Variants in MAGEA4 observed in about 807,000 individuals in gnomAD.
MAGEA4 encodes the protein melanoma-associated antigen 4.
MAGEA4 carries 1 observed loss-of-function variant against 13.7 expected under a neutral mutation model. That is an observed-to-expected ratio of 0.07 (90% CI 0.03 to 0.35). MAGEA4 has a LOEUF of 0.35. Among genes scored for constraint, MAGEA4 ranks in the 10% least tolerant of loss-of-function variants. The pLI is 0.99. For missense variants in MAGEA4, 312 were observed against 245.1 expected, an observed-to-expected ratio of 1.27 and a Z score of -1.82; for synonymous variants, 132 against 101.1, an observed-to-expected ratio of 1.31 and a Z score of -1.83.
rs773242799 is a variant in MAGEA4, at chrX:151,923,586, C to T, written c.-65-14C>T. ...TCTCAGCTGAGGTCTCTCACATGCT[C>T]CCTCTCTCCGTAGGCCTGTGGGTCC... On this transcript the variant is annotated splice_polypyrimidine_tract_variant and intron_variant, in intron 2 of 2. Coordinates refer to ENST00000276344, the MANE Select transcript of MAGEA4 (RefSeq NM_001011548.1). 7 of 1,210,576 alleles carry T rather than the reference C, an allele frequency of 5.8e-6. No individual in the cohort carries two copies. Among genetic ancestry groups the T allele is most frequent in the Non-Finnish European group, 6.7e-6 (6 of 895,180 alleles).
In MAGEA4 at chrX:151,923,572, G is replaced by A. The variant is rs1393578094; in HGVS notation, c.-65-28G>A. ...CTCTAAGATTTGGTTCTCAGCTGAG[G>A]TCTCTCACATGCTCCCTCTCTCCGT... On this transcript the variant is annotated intron_variant, in intron 2 of 2. Coordinates refer to ENST00000276344, the MANE Select transcript of MAGEA4 (RefSeq NM_001011548.1). 1.2e-5 allele frequency: 15 copies of A among 1,208,296 alleles called. No individual in the cohort carries two copies. In the Middle Eastern group the frequency reaches 6.9e-4, roughly 55 times the overall value.
In MAGEA4 at chrX:151,924,739, GAA is replaced by G; in HGVS notation, c.*124_*125del. 3 of 748,748 alleles carry G rather than the reference GAA, an allele frequency of 4.0e-6. No individual in the cohort carries two copies. Among genetic ancestry groups the G allele is most frequent in the Non-Finnish European group, 5.6e-6 (3 of 533,574 alleles). 61.7% of individuals were successfully genotyped at this position (748,748 alleles called of 1,213,427 possible). ...AGGCCCATTCTTCACTCTGTTTGAA[GAA>G]AATAGTCAGTGTTCTTAGTAGTGGG... is the stretch of plus-strand genomic sequence containing the variant. On this transcript the variant is annotated 3_prime_UTR_variant, in exon 3 of 3. Transcript: ENST00000276344.
At chrX:151,919,640 G>T (rs897487583) in intron 1 of MAGEA4, 2 of 750,327 alleles carry the variant, frequency 2.7e-6, no homozygotes, top group Admixed American at 8.9e-5. Context: ...CGCATTGGGG[G>T]TTAGAGAAAA....
chrX:151,923,571 G>C (rs756521337), intron 2 of MAGEA4, 29 bp from the exon 3 acceptor site: 115 of 1,208,253 alleles, frequency 9.5e-5, no homozygotes, highest in Non-Finnish European at 1.3e-4. Context: ...TCTCAGCTGA[G>C]GTCTCTCACA....
rs751997214 is a variant in MAGEA4 at position 151,925,026 on chromosome X, G to A, written c.*408G>A. ...GAAGTGTGAATTCACCGTGAAATAG[G>A]TGAGATAAATTAAAAGATACTTAAT... is the stretch of plus-strand genomic sequence containing the variant. On this transcript the variant is annotated 3_prime_UTR_variant, in exon 3 of 3. Transcript: ENST00000276344. 23 of 132,290 alleles carry A rather than the reference G, an allele frequency of 1.7e-4. No individual in the cohort carries two copies. The highest frequency in any genetic ancestry group is 3.7e-4 in the Non-Finnish European group (22 of 59,695). 10.9% of individuals were successfully genotyped at this position (132,290 alleles called of 1,213,427 possible). A position where few individuals can be genotyped will look rare whatever the true frequency, so the allele number is the denominator to read the frequency against.
rs774118615 is a variant in MAGEA4, at chrX:151,918,953, C to G, written c.-137-4500C>G. On this transcript the variant is annotated intron_variant, in intron 1 of 2. Coordinates refer to ENST00000276344, the MANE Select transcript of MAGEA4 (RefSeq NM_001011548.1). ...ATGTGATGCCACTGACTTGCGCATT[C>G]GGGGTTAGAGAGAAGCGAGCTGCTC... 3.1e-4 allele frequency: 233 copies of G among 746,953 alleles called. 1 individual carries two copies. The highest frequency in any genetic ancestry group is 1.5e-3 in the Middle Eastern group (2 of 1,316). 61.6% of individuals were successfully genotyped at this position (746,953 alleles called of 1,213,427 possible).
At position 151,912,899 on chromosome X, in the gene MAGEA4, G is replaced by C. The variant is rs1417896640; in HGVS notation, c.-208G>C. On this transcript the variant is annotated 5_prime_UTR_variant, in exon 1 of 3. Transcript: ENST00000276344. ...TGCGCACTGGGGGTTAGAGACAAGC[G>C]AGCTTCTGCGTCTGACTCGCAGCTT... is the stretch of plus-strand genomic sequence containing the variant. The C allele has an allele frequency of 8.5e-6, 1 of 117,862 alleles. No individual in the cohort carries two copies. The highest frequency in any genetic ancestry group is 3.5e-5 in the African/African-American group (1 of 28,268). The allele number at this position is 117,862 out of a possible 1,213,427, so 9.7% of individuals were successfully genotyped here. A position where few individuals can be genotyped will look rare whatever the true frequency, so the allele number is the denominator to read the frequency against.
intron 1 of MAGEA4, 104 bp from the exon 2 acceptor site, chrX:151,923,349 T>A (rs763004622): frequency 2.5e-4 from 140 of 549,428 alleles, no homozygotes; most frequent in Non-Finnish European, 3.4e-4. Flanking sequence ...ACAAGACACA[T>A]AGGACTCCAA....
intron 1 of MAGEA4, among the ~76,000 whole-genome samples, chrX:151,923,203 C>A: frequency 8.9e-6 from 1 of 111,869 alleles, no homozygotes; most frequent in Non-Finnish European, 1.9e-5. Flanking sequence ...CCATGGATTC[C>A]TCTCCTAGGA....
chrX:151,921,055 C>T (rs1379846053), intron 1 of MAGEA4, among the ~76,000 whole-genome samples: 1 of 111,992 alleles, frequency 8.9e-6, no homozygotes, highest in African/African-American at 3.2e-5. Context: ...AGGGCATGGC[C>T]CAGGCCCTGC....
At chrX:151,919,557 C>T (rs1216661867) in intron 1 of MAGEA4, 6 of 598,313 alleles carry the variant, frequency 1.0e-5, no homozygotes, top group Admixed American at 9.9e-5. Flanking sequence ...CCCCCATCCA[C>T]GCTGAATCGG....
chrX:151,917,907 C>G lies in MAGEA4; in HGVS notation c.-138+4938C>G, dbSNP rs1444954564. Among the ~76,000 whole-genome samples, 37 of 95,907 alleles carry G rather than the reference C, an allele frequency of 3.9e-4. No individual in the cohort carries two copies. The East Asian group carries it at 0.01, about 26-fold the overall frequency. 83.3% of individuals were successfully genotyped at this position (95,907 alleles called of 115,157 possible). A position where few individuals can be genotyped will look rare whatever the true frequency, so the allele number is the denominator to read the frequency against. On this transcript the variant is annotated intron_variant, in intron 1 of 2. Transcript: ENST00000276344. ...TCTGCCGGGCATCAATCTCAGGACCCTAAGAGAGGGCTAAGCGTACCCCAC... is the reference window on the plus strand; with the variant it reads ...TCTGCCGGGCATCAATCTCAGGACCGTAAGAGAGGGCTAAGCGTACCCCAC...
At chrX:151,920,822 G>A (rs1335282049) in intron 1 of MAGEA4, among the ~76,000 whole-genome samples, 1 of 110,210 alleles carries the variant, frequency 9.1e-6, no homozygotes, top group Non-Finnish European at 1.9e-5. Flanking sequence ...ATCGGCAGAG[G>A]GAAGGTGGCC....
rs1350498630 is a variant in MAGEA4, at chrX:151,924,752, GTTC to G, written c.*137_*139del. On this transcript the variant is annotated 3_prime_UTR_variant, in exon 3 of 3. Transcript: ENST00000276344. The stretch of plus-strand genomic sequence containing the variant: ...ACTCTGTTTGAAGAAAATAGTCAGT[GTTC>G]TTAGTAGTGGGTTTCTATTTTGTTG... 3 of 618,757 alleles carry G rather than the reference GTTC, an allele frequency of 4.8e-6. No homozygotes were observed. The highest frequency in any genetic ancestry group is 7.0e-6 in the Non-Finnish European group (3 of 426,530). 51.0% of individuals were successfully genotyped at this position (618,757 alleles called of 1,213,427 possible).
At position 151,913,489 on chromosome X, in the gene MAGEA4, T is replaced by C. The variant is rs2124076504; in HGVS notation, c.-138+520T>C. The C allele has an allele frequency of 4.1e-6, 3 of 729,366 alleles. No individual in the cohort carries two copies. The South Asian group carries it at 2.1e-4, about 52-fold the overall frequency. The allele number at this position is 729,366 out of a possible 1,213,427, so 60.1% of individuals were successfully genotyped here. A position where few individuals can be genotyped will look rare whatever the true frequency, so the allele number is the denominator to read the frequency against. ...CCCAGGGGCCCGGATGTGATGCCAC[T>C]GACTTGCGCATTGGGGGTTAGAGAG... On this transcript the variant is annotated intron_variant, in intron 1 of 2. Transcript: ENST00000276344.
At chrX:151,919,952 G>A (rs1389816125) in intron 1 of MAGEA4, among the ~76,000 whole-genome samples, 1 of 106,817 alleles carries the variant, frequency 9.4e-6, no homozygotes, top group Non-Finnish European at 1.9e-5. Context: ...CCTCAGGACT[G>A]TAAGAGAGGG....
chrX:151,912,476 G>T (rs749737670), upstream of MAGEA4: 2 of 355,443 alleles, frequency 5.6e-6, no homozygotes, highest in African/African-American at 2.7e-5. Context: ...CCTGACTTGC[G>T]CATTGGTCTG....
intron 1 of MAGEA4, chrX:151,919,809 G>T: frequency 1.4e-6 from 1 of 720,065 alleles, no homozygotes; most frequent in East Asian, 1.6e-4. Flanking sequence ...CCCAGCCCTG[G>T]GCCACTCGTG....
In MAGEA4 at chrX:151,924,032, G is replaced by A. The variant is rs759710688; in HGVS notation, c.368G>A (p.Arg123His). Reference protein sequence around the residue: ...KVDELAHFLLRKYRAKELVTK... With the variant: ...KVDELAHFLLHKYRAKELVTK... The stretch of plus-strand genomic sequence containing the variant: ...GATGAGTTGGCTCATTTTCTGCTCC[G>A]CAAGTATCGAGCCAAGGAGCTGGTC... Residue 123 changes from arginine (R) to histidine (H), a missense_variant, in exon 3 of 3, where the codon CGC becomes CAC. Transcript: ENST00000276344. 3.3e-5 allele frequency: 40 copies of A among 1,210,857 alleles called. No homozygotes were observed. Among genetic ancestry groups the A allele is most frequent in the East Asian group, 5.9e-5 (2 of 33,774 alleles).
Sources: allele counts gnomAD v4.1 joint callset (sites outside exome capture counted in the v4.1 genomes callset), GRCh38; gene constraint gnomAD v4.1.1; transcripts MANE v1.5; gene names NCBI Gene and HGNC (gene_info 2026-07-23, HGNC 2026-07-21).